PDE1C: variants seen among roughly 807,000 people sequenced by gnomAD.
PDE1C encodes dual specificity calcium/calmodulin-dependent 3',5'-cyclic nucleotide phosphodiesterase 1C.
A neutral mutation model predicts 93.1 loss-of-function variants in PDE1C; 62 were observed. The ratio of observed to expected loss-of-function variants is 0.67; its 90% CI spans 0.54 to 0.82. The LOEUF (loss-of-function observed/expected upper bound fraction) is 0.82, where lower values mean the gene tolerates loss of function less well. Ranked by LOEUF, PDE1C falls within the 40% of genes least tolerant of loss-of-function variation. PDE1C has a pLI of 0.00. For missense variants in PDE1C, 742 were observed against 884.6 expected, an observed-to-expected ratio of 0.84 and a Z score of 2.04; for synonymous variants, 325 against 310.1, an observed-to-expected ratio of 1.05 and a Z score of -0.50.
intron 2 of PDE1C, among the ~76,000 whole-genome samples, chr7:31,905,840 C>T (rs115707624): frequency 0.015 from 2,329 of 152,186 alleles, 56 homozygotes; most frequent in African/African-American, 0.054. Flanking sequence ...GGGTGGTTAC[C>T]CCCATGCTAT....
intron 1 of PDE1C, among the ~76,000 whole-genome samples, chr7:32,051,884 G>C (rs1180591351): frequency 6.6e-6 from 1 of 152,140 alleles, no homozygotes; most frequent in East Asian, 1.9e-4. Flanking sequence ...AGGCTTTAAA[G>C]ACCACAAAAT....
intron 1 of PDE1C, among the ~76,000 whole-genome samples, chr7:32,294,828 T>C (rs987143776): frequency 6.6e-6 from 1 of 152,202 alleles, no homozygotes; most frequent in Non-Finnish European, 1.5e-5. Context: ...CACTTGCACT[T>C]CCACATATGG....
At chr7:32,145,818 A>C (rs1584851444) in intron 3 of PDE1C, among the ~76,000 whole-genome samples, 2 of 152,156 alleles carry the variant, frequency 1.3e-5, no homozygotes, top group Non-Finnish European at 2.9e-5. Flanking sequence ...CCAATTCATA[A>C]AGCACACAAA....
At chr7:32,083,060 A>G (rs1796813909) in intron 3 of PDE1C, among the ~76,000 whole-genome samples, 1 of 151,584 alleles carries the variant, frequency 6.6e-6, no homozygotes, top group Non-Finnish European at 1.5e-5. Flanking sequence ...ACTCTGAGCT[A>G]CAGGAGGAAA....
chr7:31,709,314 G>C, the PDE1C span, among the ~76,000 whole-genome samples: 1 of 152,164 alleles, frequency 6.6e-6, no homozygotes, highest in Non-Finnish European at 1.5e-5. Flanking sequence ...TCTGAGTCTG[G>C]TTCTTTATCT....
intron 1 of PDE1C, among the ~76,000 whole-genome samples, chr7:32,374,676 A>C (rs1258106187): frequency 6.6e-6 from 1 of 152,224 alleles, no homozygotes; most frequent in Non-Finnish European, 1.5e-5. Context: ...GTCTGTTCCA[A>C]TTTCTTATCT....
At chr7:31,821,047 T>C (rs1342906386) in intron 14 of PDE1C, 1 of 151,222 alleles carries the variant, frequency 6.6e-6, no homozygotes, top group South Asian at 2.1e-4. Flanking sequence ...TCCCTGCTAA[T>C]TGAAATGTGC....
intron 3 of PDE1C, among the ~76,000 whole-genome samples, chr7:32,089,371 G>A (rs575915443): frequency 2.0e-5 from 3 of 152,294 alleles, no homozygotes; most frequent in East Asian, 3.9e-4. Context: ...CCTCTCAGAA[G>A]TAGGTATTTT....
At chr7:32,237,762 A>ATATATATATATATATATATAT (rs1562607013) in intron 1 of PDE1C, among the ~76,000 whole-genome samples, 3 of 35,092 alleles carry the variant, frequency 8.5e-5, no homozygotes, top group Non-Finnish European at 1.5e-4. Flanking sequence ...ATATATATAT[A>ATATATATATATATATATATAT]CTTTTTTTTT....
At chr7:32,044,468 G>A (rs966836941) in intron 2 of PDE1C, among the ~76,000 whole-genome samples, 3 of 152,134 alleles carry the variant, frequency 2.0e-5, no homozygotes, top group African/African-American at 4.8e-5. Context: ...GGAAGCCAAT[G>A]GAGATTTGTT....
At chr7:32,041,632 C>T (rs1791826869) in intron 2 of PDE1C, among the ~76,000 whole-genome samples, 1 of 152,106 alleles carries the variant, frequency 6.6e-6, no homozygotes, top group African/African-American at 2.4e-5. Flanking sequence ...TTTTTTTATG[C>T]ATAAAGAGTT....
intron 2 of PDE1C, among the ~76,000 whole-genome samples, chr7:31,940,119 G>C (rs1216633631): frequency 2.0e-5 from 3 of 152,276 alleles, no homozygotes; most frequent in African/African-American, 4.8e-5. Context: ...ATTTTATTTA[G>C]GTTGGATCTG....
At chr7:32,040,174 C>T (rs887254993) in intron 2 of PDE1C, among the ~76,000 whole-genome samples, 2 of 152,108 alleles carry the variant, frequency 1.3e-5, no homozygotes, top group Non-Finnish European at 2.9e-5. Context: ...ATAACAATTG[C>T]TAAAATGTTC....
chr7:31,633,163 G>A, the PDE1C span, among the ~76,000 whole-genome samples: 2 of 152,096 alleles, frequency 1.3e-5, no homozygotes, highest in Non-Finnish European at 2.9e-5. Flanking sequence ...GGGATTACAG[G>A]CGTGAGCTAC....
At chr7:32,075,296 C>G (rs1209560967), upstream of PDE1C, among the ~76,000 whole-genome samples, 1 of 152,158 alleles carries the variant, frequency 6.6e-6, no homozygotes, top group South Asian at 2.1e-4. Flanking sequence ...CCATTTTTCA[C>G]GACTTGGCAG....
At chr7:31,884,693 A>C (rs1036765552) in intron 2 of PDE1C, among the ~76,000 whole-genome samples, 3 of 152,088 alleles carry the variant, frequency 2.0e-5, no homozygotes, top group African/African-American at 4.8e-5. Context: ...CTCTTTATCC[A>C]TTCCATTTGG....
At chr7:32,359,951 ACTC>A (rs1273895447) in intron 1 of PDE1C, among the ~76,000 whole-genome samples, 1 of 151,974 alleles carries the variant, frequency 6.6e-6, no homozygotes, top group African/African-American at 2.4e-5. Context: ...TCCTCCATTG[ACTC>A]CTCCTATAAT....
the PDE1C span, among the ~76,000 whole-genome samples, chr7:31,711,680 A>G: frequency 1.3e-5 from 2 of 152,176 alleles, no homozygotes; most frequent in African/African-American, 4.8e-5. Flanking sequence ...TTTAATCATT[A>G]TTCTCAATCC....
intron 2 of PDE1C, among the ~76,000 whole-genome samples, chr7:31,962,440 A>T (rs1158044111): frequency 6.6e-6 from 1 of 152,216 alleles, no homozygotes; most frequent in African/African-American, 2.4e-5. Flanking sequence ...CTTATGGCCC[A>T]CACTTTCCAG....
Sources: allele counts gnomAD v4.1 joint callset (sites outside exome capture counted in the v4.1 genomes callset), GRCh38; gene constraint gnomAD v4.1.1; transcripts MANE v1.5; gene names NCBI Gene and HGNC (gene_info 2026-07-23, HGNC 2026-07-21).